The following TBC1D5 variants were observed in gnomAD, a reference collection of about 807,000 sequenced individuals.
TBC1D5 encodes the protein TBC1 domain family, member 5.
Under a neutral mutation model 100.3 loss-of-function variants are expected in TBC1D5, and 75 were observed. The ratio of observed to expected loss-of-function variants is 0.75; its 90% CI spans 0.62 to 0.91. TBC1D5 has a LOEUF of 0.91. TBC1D5 is among the 40% of genes least tolerant of loss of function. The pLI is 0.00. For synonymous variants in TBC1D5, 323 were observed against 325.6 expected (o/e 0.99, Z 0.09); for missense variants, 910 against 942.4 (o/e 0.97, Z 0.45).
rs71634804 is a variant in TBC1D5 at position 17,428,411 on chromosome 3, G to GTATATA, written c.167+33_167+38dup. 3.2e-4 allele frequency: 69 copies of GTATATA among 216,694 alleles called. 1 individual carries two copies. The highest frequency in any genetic ancestry group is 1.7e-4 in the South Asian group (1 of 5,910). The allele number at this position is 216,694 out of a possible 1,614,324, so 13.4% of individuals were successfully genotyped here. On this transcript the variant is annotated intron_variant, in intron 4 of 21. Coordinates refer to ENST00000253692, the Ensembl canonical transcript of TBC1D5. ...TAATATTATATGTGTGTGTGTGTGT[G>GTATATA]TATATATATATATATATATATATGT...
intron 1 of TBC1D5, among the ~76,000 whole-genome samples, chr3:17,669,069 C>G (rs1324860769): frequency 1.3e-5 from 2 of 152,176 alleles, no homozygotes; most frequent in Non-Finnish European, 2.9e-5. Context: ...ATGGGAGGGA[C>G]CCAGTGGGAG....
intron 2 of TBC1D5, among the ~76,000 whole-genome samples, chr3:17,610,463 G>A (rs145784626): frequency 0.017 from 2,531 of 152,034 alleles, 52 homozygotes; most frequent in South Asian, 0.047. Flanking sequence ...CTGGGATTAC[G>A]GGCATGAGCC....
intron 19 of TBC1D5, among the ~76,000 whole-genome samples, chr3:17,168,981 C>CTGGA (rs2066912239): frequency 6.6e-6 from 1 of 152,182 alleles, no homozygotes; most frequent in Admixed American, 6.5e-5. Context: ...TGCCCTTGGC[C>CTGGA]TGGAGGCTCT....
chr3:17,613,679 G>A (rs1485389549), intron 2 of TBC1D5, among the ~76,000 whole-genome samples: 3 of 152,180 alleles, frequency 2.0e-5, no homozygotes, highest in Non-Finnish European at 4.4e-5. Context: ...CTGCATAAAT[G>A]TCTTCTTTTG....
At chr3:17,399,657 A>C (rs369642764) in intron 8 of TBC1D5, among the ~76,000 whole-genome samples, 1 of 152,044 alleles carries the variant, frequency 6.6e-6, no homozygotes, top group Admixed American at 6.6e-5. Flanking sequence ...CCACTGCTCA[A>C]TGTCCTCCAA....
intron 4 of TBC1D5, among the ~76,000 whole-genome samples, chr3:17,414,826 T>C (rs2094023371): frequency 6.6e-6 from 1 of 152,136 alleles, no homozygotes; most frequent in South Asian, 2.1e-4. Flanking sequence ...AAAGCTTTTT[T>C]CTCCTCCATA....
rs571651285 is a variant in TBC1D5 at position 17,582,801 on chromosome 3, CAAAAA to C, written c.-36+41043_-36+41047del. On this transcript the variant is annotated intron_variant, in intron 2 of 21. Coordinates refer to ENST00000253692, the Ensembl canonical transcript of TBC1D5. ...ACCAAAAAGCAAAAAAAAACAAAAA[CAAAAA>C]CAAAACAAAACATTAAACAAATGTG... is the stretch of plus-strand genomic sequence containing the variant. Among the ~76,000 whole-genome samples the C allele has an allele frequency of 2.3e-4, 32 of 139,556 alleles. No homozygotes were observed. The South Asian group carries it at 7.1e-3, about 31-fold the overall frequency. 91.6% of individuals were successfully genotyped at this position (139,556 alleles called of 152,430 possible). A position where few individuals can be genotyped will look rare whatever the true frequency, so the allele number is the denominator to read the frequency against.
At chr3:17,532,955 G>T (rs1008442800) in intron 2 of TBC1D5, among the ~76,000 whole-genome samples, 1 of 151,492 alleles carries the variant, frequency 6.6e-6, no homozygotes, top group African/African-American at 2.4e-5. Context: ...CCTGCACGTT[G>T]TGCACATGTA....
chr3:17,204,210 G>A (rs2071854698), intron 18 of TBC1D5, among the ~76,000 whole-genome samples: 2 of 152,202 alleles, frequency 1.3e-5, no homozygotes, highest in Admixed American at 1.3e-4. Flanking sequence ...GAGGGGGAAA[G>A]AAGAGGACAA....
chr3:17,571,185 T>C (rs1408551744), intron 2 of TBC1D5, among the ~76,000 whole-genome samples: 1 of 152,026 alleles, frequency 6.6e-6, no homozygotes. Flanking sequence ...ATCAAGAAAC[T>C]TGATTATTAC....
At chr3:17,345,572 A>G (rs1291814621) in intron 13 of TBC1D5, among the ~76,000 whole-genome samples, 3 of 151,970 alleles carry the variant, frequency 2.0e-5, no homozygotes, top group African/African-American at 7.3e-5. Flanking sequence ...ATTACTGAGT[A>G]TATACCCAAA....
intron 4 of TBC1D5, among the ~76,000 whole-genome samples, chr3:17,424,317 GAGA>G (rs1297136408): frequency 6.6e-6 from 1 of 152,172 alleles, no homozygotes; most frequent in Non-Finnish European, 1.5e-5. Flanking sequence ...TTTTGGCGAG[GAGA>G]AGGTCAGCTG....
chr3:17,703,654 T>A (rs1197925882), intron 1 of TBC1D5, among the ~76,000 whole-genome samples: 1 of 152,112 alleles, frequency 6.6e-6, no homozygotes, highest in East Asian at 1.9e-4. Context: ...AATCCCTGAA[T>A]GTTTTAAGAT....
chr3:17,526,691 A>G (rs922508857), intron 2 of TBC1D5, among the ~76,000 whole-genome samples: 10 of 152,218 alleles, frequency 6.6e-5, no homozygotes, highest in African/African-American at 2.2e-4. Flanking sequence ...TCTGACATAT[A>G]CATAGTAAGC....
intron 2 of TBC1D5, among the ~76,000 whole-genome samples, chr3:17,519,846 T>G (rs2153303053): frequency 6.6e-6 from 1 of 152,328 alleles, no homozygotes; most frequent in African/African-American, 2.4e-5. Context: ...CTTATTATTT[T>G]TTTAAACTAT....
exon 1 of TBC1D5, chr3:17,740,729 A>G (rs1237130999): frequency 6.6e-6 from 1 of 152,232 alleles, no homozygotes; most frequent in African/African-American, 2.4e-5. Flanking sequence ...CGCATTTGAG[A>G]GCACACACTC....
At chr3:17,738,456 T>C (rs962953858) in intron 1 of TBC1D5, among the ~76,000 whole-genome samples, 4 of 152,114 alleles carry the variant, frequency 2.6e-5, no homozygotes, top group African/African-American at 9.7e-5. Flanking sequence ...ATTTTAAAGA[T>C]GAGAAAAGTG....
At chr3:17,200,776 G>C (rs2071366460) in intron 18 of TBC1D5, among the ~76,000 whole-genome samples, 1 of 152,166 alleles carries the variant, frequency 6.6e-6, no homozygotes, top group South Asian at 2.1e-4. Flanking sequence ...TAGGGTTTTA[G>C]TTGTTTTTTC....
intron 19 of TBC1D5, among the ~76,000 whole-genome samples, chr3:17,170,617 A>C (rs949855294): frequency 6.6e-6 from 1 of 152,248 alleles, no homozygotes; most frequent in Middle Eastern, 3.4e-3. Context: ...CATGGCCAGG[A>C]GGAACAAGGA....
Sources: allele counts gnomAD v4.1 joint callset (sites outside exome capture counted in the v4.1 genomes callset), GRCh38; gene constraint gnomAD v4.1.1; transcripts MANE v1.5; gene names NCBI Gene and HGNC (gene_info 2026-07-23, HGNC 2026-07-21).